TMEM178B: variants seen among roughly 807,000 people sequenced by gnomAD.
TMEM178B encodes transmembrane protein 178B.
In TMEM178B, 5 loss-of-function variants were observed where a neutral mutation model predicts 31.0. The ratio of observed to expected loss-of-function variants is 0.16; its 90% CI spans 0.08 to 0.34. The LOEUF (loss-of-function observed/expected upper bound fraction) is 0.34, where lower values mean the gene tolerates loss of function less well. TMEM178B is among the 10% of genes least tolerant of loss of function. The pLI, the probability that TMEM178B is intolerant of heterozygous loss-of-function variation, is 1.00. For synonymous variants in TMEM178B, 164 were observed against 164.0 expected (o/e 1.00, Z 0.00); for missense variants, 275 against 400.3 (o/e 0.69, Z 2.67).
chr7:141,226,061 A>G (rs919276143), intron 2 of TMEM178B, among the ~76,000 whole-genome samples: 1 of 152,128 alleles, frequency 6.6e-6, no homozygotes, highest in African/African-American at 2.4e-5. Flanking sequence ...ATGGGTGTGG[A>G]GGTGACACAT....
At chr7:141,130,432 T>C (rs780082408) in intron 1 of TMEM178B, among the ~76,000 whole-genome samples, 1 of 152,224 alleles carries the variant, frequency 6.6e-6, no homozygotes, top group African/African-American at 2.4e-5. Flanking sequence ...GTATAGTATG[T>C]GATCTTTTAT....
rs570554037 is a variant in TMEM178B, at chr7:141,397,854, C to G, written c.497-39754C>G. Among the ~76,000 whole-genome samples the G allele has an allele frequency of 3.0e-4, 45 of 152,342 alleles. 1 individual carries two copies. The highest frequency in any genetic ancestry group is 9.1e-4 in the Admixed American group (14 of 15,308). ...AGGCAGAGGCAAGGAAGTTCTGCCCCCACTGTCCCCAGCAGCCCAGAGCCT... is the reference window on the plus strand; with the variant it reads ...AGGCAGAGGCAAGGAAGTTCTGCCCGCACTGTCCCCAGCAGCCCAGAGCCT... On this transcript the variant is annotated intron_variant, in intron 2 of 3. Coordinates refer to ENST00000565468, the MANE Select transcript of TMEM178B (RefSeq NM_001195278.2).
intron 1 of TMEM178B, among the ~76,000 whole-genome samples, chr7:141,140,341 A>G (rs543125336): frequency 6.6e-6 from 1 of 152,284 alleles, no homozygotes; most frequent in South Asian, 2.1e-4. Context: ...CTTTCTTAGA[A>G]CACCCTGTTT....
At chr7:141,366,932 C>T (rs1402272862) in intron 2 of TMEM178B, among the ~76,000 whole-genome samples, 2 of 152,096 alleles carry the variant, frequency 1.3e-5, no homozygotes, top group Admixed American at 1.3e-4. Context: ...TATTCAATCT[C>T]CTGGCTCCCT....
the TMEM178B span, among the ~76,000 whole-genome samples, chr7:141,491,054 G>C: frequency 1.3e-5 from 2 of 151,986 alleles, no homozygotes; most frequent in African/African-American, 4.8e-5. Flanking sequence ...TTGAGGCTGG[G>C]TCTTGATCTG....
chr7:141,193,713 C>A (rs1164803118), intron 1 of TMEM178B, among the ~76,000 whole-genome samples: 2 of 152,186 alleles, frequency 1.3e-5, no homozygotes, highest in African/African-American at 4.8e-5. Flanking sequence ...ATGTCTGCAG[C>A]CATACTCAGG....
At chr7:141,191,859 T>C (rs1796702200) in intron 1 of TMEM178B, among the ~76,000 whole-genome samples, 1 of 152,336 alleles carries the variant, frequency 6.6e-6, no homozygotes, top group South Asian at 2.1e-4. Flanking sequence ...TATCAGTATT[T>C]TCTTTTTTGG....
At chr7:141,428,370 AAAAAAAAAAAAAAAG>A (rs573338791) in intron 2 of TMEM178B, among the ~76,000 whole-genome samples, 2 of 130,420 alleles carry the variant, frequency 1.5e-5, no homozygotes, top group Non-Finnish European at 3.2e-5. Context: ...CTCCACCTCA[AAAAAAAAAAAAAAAG>A]AAAAAAAGAA....
chr7:141,366,407 A>G (rs1341691298), intron 2 of TMEM178B, among the ~76,000 whole-genome samples: 1 of 152,198 alleles, frequency 6.6e-6, no homozygotes, highest in African/African-American at 2.4e-5. Context: ...TGCTTTTCAA[A>G]TCCATGCTGA....
At chr7:141,436,057 G>A (rs547296191) in intron 2 of TMEM178B, among the ~76,000 whole-genome samples, 1 of 152,258 alleles carries the variant, frequency 6.6e-6, no homozygotes, top group African/African-American at 2.4e-5. Flanking sequence ...GTGTCTGATG[G>A]TCAATGTCAG....
intron 2 of TMEM178B, among the ~76,000 whole-genome samples, chr7:141,328,289 A>G (rs1161066210): frequency 6.6e-6 from 1 of 152,176 alleles, no homozygotes; most frequent in Non-Finnish European, 1.5e-5. Flanking sequence ...TGTTCTATCC[A>G]ATACCTTTTT....
chr7:141,159,116 C>A (rs1456693453), intron 1 of TMEM178B, among the ~76,000 whole-genome samples: 1 of 152,122 alleles, frequency 6.6e-6, no homozygotes, highest in East Asian at 1.9e-4. Flanking sequence ...CTCCTGCCTG[C>A]ACCCCTGTTC....
At chr7:141,346,323 G>A (rs562970825) in intron 2 of TMEM178B, among the ~76,000 whole-genome samples, 15 of 152,130 alleles carry the variant, frequency 9.9e-5, no homozygotes, top group Non-Finnish European at 1.5e-4. Flanking sequence ...ATTGGATAGA[G>A]AAATACTAAA....
intron 2 of TMEM178B, among the ~76,000 whole-genome samples, chr7:141,436,899 G>C (rs923175583): frequency 3.3e-5 from 5 of 152,220 alleles, no homozygotes; most frequent in South Asian, 2.1e-4. Flanking sequence ...GCTGACCCGG[G>C]GGTGGAGGAG....
At chr7:141,263,768 C>T (rs766934792) in intron 2 of TMEM178B, among the ~76,000 whole-genome samples, 15 of 152,246 alleles carry the variant, frequency 9.9e-5, no homozygotes, top group South Asian at 2.1e-4. Context: ...AGGAACAGCC[C>T]GCAAGACTGC....
chr7:141,459,110 A>T (rs764307598), intron 3 of TMEM178B, among the ~76,000 whole-genome samples: 1 of 151,878 alleles, frequency 6.6e-6, no homozygotes, highest in African/African-American at 2.4e-5. Context: ...GCTCACTGCA[A>T]CCTCCGCCTC....
At chr7:141,178,745 A>T (rs1205868280) in intron 1 of TMEM178B, among the ~76,000 whole-genome samples, 1 of 152,162 alleles carries the variant, frequency 6.6e-6, no homozygotes, top group African/African-American at 2.4e-5. Flanking sequence ...CTTTCTCCTG[A>T]GTCCTACTTT....
chr7:141,404,759 A>G lies in TMEM178B; in HGVS notation c.497-32849A>G, dbSNP rs146328504. 5.1e-3 allele frequency among the ~76,000 whole-genome samples: 770 copies of G among 152,326 alleles called. 2 individuals carry two copies. Among genetic ancestry groups the G allele is most frequent in the Non-Finnish European group, 8.5e-3 (577 of 68,030 alleles). ...ATATCTTTTGGTATAAATTCAATCCACTACACCCATTTTATGTATAAGGAA... is the reference window on the plus strand; with the variant it reads ...ATATCTTTTGGTATAAATTCAATCCGCTACACCCATTTTATGTATAAGGAA... On this transcript the variant is annotated intron_variant, in intron 2 of 3. Transcript: ENST00000565468.
intron 1 of TMEM178B, among the ~76,000 whole-genome samples, chr7:141,091,123 T>C (rs1336831483): frequency 1.3e-5 from 2 of 152,202 alleles, no homozygotes; most frequent in Non-Finnish European, 2.9e-5. Flanking sequence ...TAGGAGTTAA[T>C]TATGCTAGGT....
Sources: gnomAD v4.1 joint callset for allele counts (sites outside exome capture counted in the v4.1 genomes callset) on GRCh38, gnomAD v4.1.1 for gene constraint, MANE v1.5 for transcripts, NCBI Gene and HGNC (gene_info 2026-07-23, HGNC 2026-07-21) for gene names.